PALLD: variants seen among roughly 807,000 people sequenced by gnomAD.
The protein encoded by PALLD is palladin, cytoskeletal associated protein.
Under a neutral mutation model 123.5 loss-of-function variants are expected in PALLD, and 61 were observed. That is an observed-to-expected ratio of 0.49 (90% CI 0.40 to 0.61). The LOEUF (loss-of-function observed/expected upper bound fraction) is 0.61, where lower values mean the gene tolerates loss of function less well. Ranked by LOEUF, PALLD falls within the 20% of genes least tolerant of loss-of-function variation. The probability of loss-of-function intolerance (pLI) is 0.00; values close to 1 mark genes in which losing one functional copy is unlikely to be tolerated. For missense variants in PALLD, 1,273 were observed against 1,377.0 expected, an observed-to-expected ratio of 0.92 and a Z score of 1.20; for synonymous variants, 465 against 496.4, an observed-to-expected ratio of 0.94 and a Z score of 0.84.
chr4:168,653,712 C>G (rs6824337), intron 2 of PALLD, among the ~76,000 whole-genome samples: 63,977 of 150,698 alleles, frequency 0.42, 14,214 homozygotes, highest in African/African-American at 0.56. Context: ...TTGTTTGTTT[C>G]TTTCTTTCTT....
chr4:168,598,676 G>A (rs144330279), intron 2 of PALLD: 3,757 of 349,840 alleles, frequency 0.011, 169 homozygotes, highest in South Asian at 0.076. Context: ...GTCATCTGCT[G>A]TAACTCTCTA....
chr4:168,911,597 G>A (rs1235534673), intron 15 of PALLD, among the ~76,000 whole-genome samples: 3 of 152,164 alleles, frequency 2.0e-5, no homozygotes, highest in Non-Finnish European at 4.4e-5. Flanking sequence ...CATGATGGAG[G>A]TCTTCTAAGC....
intron 10 of PALLD, among the ~76,000 whole-genome samples, chr4:168,787,898 T>C (rs1264242089): frequency 1.3e-5 from 2 of 152,258 alleles, no homozygotes; most frequent in Non-Finnish European, 2.9e-5. Context: ...TATGTTTATA[T>C]AAATTTGGTT....
chr4:168,768,228 A>G (rs1018905510), intron 10 of PALLD, among the ~76,000 whole-genome samples: 7 of 152,152 alleles, frequency 4.6e-5, no homozygotes, highest in Non-Finnish European at 8.8e-5. Context: ...CCTGACCACA[A>G]TCAAGTCCTA....
At chr4:168,649,949 C>T (rs763837101) in intron 2 of PALLD, among the ~76,000 whole-genome samples, 9 of 152,092 alleles carry the variant, frequency 5.9e-5, no homozygotes, top group Non-Finnish European at 1.2e-4. Context: ...GAGGCTGAGG[C>T]GGGCACCTGA....
chr4:168,509,384 C>G (rs1762319808), intron 1 of PALLD, among the ~76,000 whole-genome samples: 3 of 152,106 alleles, frequency 2.0e-5, no homozygotes. Flanking sequence ...TAAATAAAAG[C>G]TCAAATACAT....
At chr4:168,720,206 T>C (rs1785856520) in intron 10 of PALLD, among the ~76,000 whole-genome samples, 2 of 152,366 alleles carry the variant, frequency 1.3e-5, no homozygotes, top group South Asian at 4.1e-4. Context: ...CACAAAATGC[T>C]GCACATCTTT....
At chr4:168,762,298 C>A (rs1173177291) in intron 10 of PALLD, among the ~76,000 whole-genome samples, 1 of 151,972 alleles carries the variant, frequency 6.6e-6, no homozygotes. Context: ...CATAATGGAA[C>A]CCCATCTCTA....
At chr4:168,812,393 C>A (rs1561551598) in intron 10 of PALLD, among the ~76,000 whole-genome samples, 1 of 152,186 alleles carries the variant, frequency 6.6e-6, no homozygotes, top group African/African-American at 2.4e-5. Flanking sequence ...TACACAGAAA[C>A]ATCTCCCTTG....
At chr4:168,514,921 G>A (rs1405391900) in intron 2 of PALLD, among the ~76,000 whole-genome samples, 2 of 152,298 alleles carry the variant, frequency 1.3e-5, no homozygotes, top group East Asian at 1.9e-4. Flanking sequence ...CTCTTTGGGG[G>A]TAGCAGAACT....
intron 2 of PALLD, among the ~76,000 whole-genome samples, chr4:168,636,844 C>G (rs1776394613): frequency 6.6e-6 from 1 of 152,146 alleles, no homozygotes; most frequent in African/African-American, 2.4e-5. Flanking sequence ...AGCTACAGAG[C>G]CAGTGCTCAG....
chr4:168,568,113 C>T (rs1768592871), intron 2 of PALLD, among the ~76,000 whole-genome samples: 1 of 151,876 alleles, frequency 6.6e-6, no homozygotes, highest in African/African-American at 2.4e-5. Context: ...GCAACATGGG[C>T]CCTTTTGGTT....
chr4:168,556,226 G>T (rs1454905249), intron 2 of PALLD, among the ~76,000 whole-genome samples: 2 of 152,026 alleles, frequency 1.3e-5, no homozygotes, highest in Non-Finnish European at 2.9e-5. Flanking sequence ...CTCCAGAGTA[G>T]CTGGGACTAC....
At chr4:168,670,756 C>CAAAAACAAAAAAAAAAAAAAAAAAAAA (rs1780153192) in intron 3 of PALLD, among the ~76,000 whole-genome samples, 1 of 70,306 alleles carries the variant, frequency 1.4e-5, no homozygotes. Context: ...ACAAAAAAAA[C>CAAAAACAAAAAAAAAAAAAAAAAAAAA]AAAAAAAACA....
chr4:168,926,686 A>G lies in PALLD; in HGVS notation c.*506A>G. On this transcript the variant is annotated 3_prime_UTR_variant, in exon 22 of 22. Coordinates refer to ENST00000505667, the MANE Select transcript of PALLD (RefSeq NM_001166108.2). ...AAAGGAAATCAATTGTTCACAGGTA[A>G]CTACAATTTGTATTATCTACAAGTG... 1 of 350,044 alleles carries G rather than the reference A, an allele frequency of 2.9e-6. No homozygotes were observed. The highest frequency in any genetic ancestry group is 5.3e-6 in the Non-Finnish European group (1 of 188,818). The allele number at this position is 350,044 out of a possible 1,614,324, so 21.7% of individuals were successfully genotyped here.
chr4:168,791,415 G>C (rs1035468254), intron 10 of PALLD, among the ~76,000 whole-genome samples: 2 of 152,162 alleles, frequency 1.3e-5, no homozygotes, highest in Non-Finnish European at 2.9e-5. Context: ...GCATGGCTGG[G>C]GAGGCCTCAG....
chr4:168,625,087 GA>G (rs1775107244), intron 2 of PALLD, among the ~76,000 whole-genome samples: 1 of 151,986 alleles, frequency 6.6e-6, no homozygotes, highest in African/African-American at 2.4e-5. Context: ...GGAAAACTGG[GA>G]AACTGAGAAG....
intron 12 of PALLD, among the ~76,000 whole-genome samples, chr4:168,896,208 C>CAAAA (rs35567491): frequency 7.6e-6 from 1 of 132,202 alleles, no homozygotes. Context: ...GACTCCATCT[C>CAAAA]AAAAAAAAAA....
intron 2 of PALLD, among the ~76,000 whole-genome samples, chr4:168,645,521 C>A (rs866303961): frequency 6.6e-6 from 1 of 152,178 alleles, no homozygotes; most frequent in African/African-American, 2.4e-5. Context: ...AATCTCTGCT[C>A]CACCATTTCC....
Sources: allele counts gnomAD v4.1 joint callset (sites outside exome capture counted in the v4.1 genomes callset), GRCh38; gene constraint gnomAD v4.1.1; transcripts MANE v1.5; gene names NCBI Gene and HGNC (gene_info 2026-07-23, HGNC 2026-07-21).